ARHGAP40: variants seen among roughly 807,000 people sequenced by gnomAD.
ARHGAP40 encodes the protein rho GTPase-activating protein 40.
A neutral mutation model predicts 73.5 loss-of-function variants in ARHGAP40; 43 were observed. The ratio of observed to expected loss-of-function variants is 0.58; its 90% confidence interval spans 0.46 to 0.75. ARHGAP40 has a LOEUF of 0.75. Among genes scored for constraint, ARHGAP40 ranks in the 30% least tolerant of loss-of-function variants. The pLI, the probability that ARHGAP40 is intolerant of heterozygous loss-of-function variation, is 0.00. For missense variants in ARHGAP40, 734 were observed against 861.8 expected (o/e 0.85, Z 1.86); for synonymous variants, 300 against 352.8 (o/e 0.85, Z 1.68).
intron 5 of ARHGAP40, among the ~76,000 whole-genome samples, chr20:38,632,710 G>T (rs897542804): frequency 2.0e-5 from 3 of 151,500 alleles, no homozygotes; most frequent in African/African-American, 7.3e-5. Flanking sequence ...GCATGGTGGC[G>T]CACACCTGTA....
intron 1 of ARHGAP40, among the ~76,000 whole-genome samples, chr20:38,609,355 G>A (rs981586200): frequency 3.3e-5 from 5 of 152,132 alleles, no homozygotes; most frequent in Admixed American, 6.5e-5. Context: ...GTTCTGAGGC[G>A]AGGGCTGAAA....
chr20:38,649,938 C>T, exon 15 of ARHGAP40: 1 of 975,700 alleles, frequency 1.0e-6, no homozygotes, highest in East Asian at 6.1e-5. Context: ...CAAAGCTATT[C>T]CAGGGGAGGG....
At chr20:38,637,667 C>T (rs2088984666) in intron 6 of ARHGAP40, 41 bp from the exon 7 acceptor site, 1 of 1,289,524 alleles carries the variant, frequency 7.8e-7, no homozygotes, top group African/African-American at 1.5e-5. Flanking sequence ...AGTGATCATT[C>T]CAAGAAGTGA....
chr20:38,647,934 AG>A lies in ARHGAP40; in HGVS notation c.1881-707del, dbSNP rs569761797. 4.5e-4 allele frequency among the ~76,000 whole-genome samples: 69 copies of A among 152,366 alleles called. 3 individuals carry two copies. In the South Asian group the frequency reaches 0.013, roughly 28 times the overall value. ...CCAGGCACAGAAAACTGCACAGTAA[AG>A]GTCCTGCAGCAAGGAGCAGAGCCTG... On this transcript the variant is annotated intron_variant, in intron 13 of 14. Transcript: ENST00000373345.
At chr20:38,609,372 A>G (rs77788391) in intron 1 of ARHGAP40, among the ~76,000 whole-genome samples, 4,185 of 152,026 alleles carry the variant, frequency 0.028, 185 homozygotes, top group African/African-American at 0.096. Context: ...GAAAATGTGC[A>G]CTCCTAACAG....
intron 11 of ARHGAP40, among the ~76,000 whole-genome samples, chr20:38,645,677 C>G (rs414387): frequency 0.65 from 98,985 of 151,876 alleles, 33,391 homozygotes; most frequent in African/African-American, 0.84. Flanking sequence ...AGTGTGGGCT[C>G]TCTGGGGGTT....
exon 1 of ARHGAP40, chr20:38,601,845 A>C (rs1039944723): frequency 8.0e-7 from 1 of 1,251,024 alleles, no homozygotes; most frequent in South Asian, 1.3e-5. Context: ...TGGGTGCGCC[A>C]CGGGGGCCCT....
intron 11 of ARHGAP40, 151 bp from the exon 12 acceptor site, chr20:38,645,896 C>A: frequency 1.3e-6 from 1 of 747,202 alleles, no homozygotes; most frequent in Non-Finnish European, 1.8e-6. Flanking sequence ...TCCACCAAAC[C>A]AGTGCTTCCG....
intron 2 of ARHGAP40, among the ~76,000 whole-genome samples, chr20:38,624,961 G>C (rs1023673405): frequency 1.3e-5 from 2 of 152,220 alleles, no homozygotes; most frequent in African/African-American, 4.8e-5. Context: ...ACAGTGCCTA[G>C]AACAGAGCCA....
At chr20:38,611,100 G>C (rs2088802184) in intron 1 of ARHGAP40, among the ~76,000 whole-genome samples, 1 of 152,030 alleles carries the variant, frequency 6.6e-6, no homozygotes, top group African/African-American at 2.4e-5. Context: ...ATGTTGGCCA[G>C]GCTAGTCTCG....
In ARHGAP40 at chr20:38,627,273, C is replaced by T. The variant is rs2088904045; in HGVS notation, c.558+58C>T. ...CTGACTGGGATCTCTGTGCTGCCGC[C>T]ACAGCCTGAGAGATGCAGTGATCCT... is the stretch of plus-strand genomic sequence containing the variant. On this transcript the variant is annotated intron_variant, in intron 3 of 14. Transcript: ENST00000373345. 3 of 1,275,970 alleles carry T rather than the reference C, an allele frequency of 2.4e-6. No individual in the cohort carries two copies. In the Admixed American group the frequency reaches 7.0e-5, roughly 30 times the overall value. 79.0% of individuals were successfully genotyped at this position (1,275,970 alleles called of 1,614,324 possible). A position where few individuals can be genotyped will look rare whatever the true frequency, so the allele number is the denominator to read the frequency against.
At position 38,622,062 on chromosome 20, in the gene ARHGAP40, AAAAC is replaced by A. The variant is rs953008534; in HGVS notation, c.138-1277_138-1274del. Among the ~76,000 whole-genome samples the A allele has an allele frequency of 1.6e-4, 24 of 152,280 alleles. No homozygotes were observed. The East Asian group carries it at 2.1e-3, about 13-fold the overall frequency. On this transcript the variant is annotated intron_variant, in intron 1 of 14. Coordinates refer to ENST00000373345, the Ensembl canonical transcript of ARHGAP40. The stretch of plus-strand genomic sequence containing the variant: ...GAACCAGACCTTGCCTCAAAAAACA[AAAAC>A]AAACAAACAAACAAACAAAAACAGA...
At chr20:38,629,945 TA>T (rs914157313) in intron 5 of ARHGAP40, among the ~76,000 whole-genome samples, 1 of 152,196 alleles carries the variant, frequency 6.6e-6, no homozygotes, top group African/African-American at 2.4e-5. Flanking sequence ...CATGTTTTTC[TA>T]GTTACTTTTA....
chr20:38,622,540 G>A (rs142630402), intron 1 of ARHGAP40, among the ~76,000 whole-genome samples: 39 of 152,316 alleles, frequency 2.6e-4, no homozygotes, highest in African/African-American at 9.1e-4. Flanking sequence ...ATTGCATGAA[G>A]CAGAAATTCA....
intron 1 of ARHGAP40, among the ~76,000 whole-genome samples, chr20:38,617,200 C>T (rs1428475734): frequency 6.6e-6 from 1 of 152,218 alleles, no homozygotes; most frequent in Admixed American, 6.5e-5. Flanking sequence ...CACACCTCCA[C>T]CGACTCATCC....
At position 38,635,895 on chromosome 20, in the gene ARHGAP40, C is replaced by T. The variant is rs73296982; in HGVS notation, c.949+1110C>T. Among the ~76,000 whole-genome samples, 11 of 152,248 alleles carry T rather than the reference C, an allele frequency of 7.2e-5. No homozygotes were observed. The South Asian group carries it at 2.3e-3, about 32-fold the overall frequency. On this transcript the variant is annotated intron_variant, in intron 6 of 14. Transcript: ENST00000373345. The stretch of plus-strand genomic sequence containing the variant: ...CTCACATGTTTATGAGTAAACTGGG[C>T]GTAGCTTGGCTGATCTAGGCTTAGC...
chr20:38,619,527 T>C (rs2145599623), intron 1 of ARHGAP40, among the ~76,000 whole-genome samples: 1 of 151,150 alleles, frequency 6.6e-6, no homozygotes, highest in South Asian at 2.1e-4. Context: ...AACCATCTGA[T>C]GAGACAGGGA....
intron 3 of ARHGAP40, among the ~76,000 whole-genome samples, chr20:38,628,409 G>T (rs936374609): frequency 6.6e-6 from 1 of 151,666 alleles, no homozygotes. Flanking sequence ...GGTTCACGCC[G>T]TTCTCCTGCC....
Position 38,639,186 on chromosome 20 carries a change from G to T in ARHGAP40, c.1120-41G>T, listed in dbSNP as rs1422613491. On this transcript the variant is annotated intron_variant, in intron 8 of 14. Coordinates refer to ENST00000373345, the Ensembl canonical transcript of ARHGAP40. ...AAGTGGTAGAGCGACTTCTACCAGAGCCCTGGGCCAACTGTGTTTTCATGC... is the reference window on the plus strand; with the variant it reads ...AAGTGGTAGAGCGACTTCTACCAGATCCCTGGGCCAACTGTGTTTTCATGC... The T allele has an allele frequency of 1.5e-5, 20 of 1,301,414 alleles. No homozygotes were observed. The East Asian group carries it at 1.1e-3, about 73-fold the overall frequency. The allele number at this position is 1,301,414 out of a possible 1,614,324, so 80.6% of individuals were successfully genotyped here.
Sources: gnomAD v4.1 joint callset for allele counts (sites outside exome capture counted in the v4.1 genomes callset) on GRCh38, gnomAD v4.1.1 for gene constraint, MANE v1.5 for transcripts, NCBI Gene and HGNC (gene_info 2026-07-23, HGNC 2026-07-21) for gene names.